The following LRRC4C variants were observed in gnomAD, a reference collection of about 807,000 sequenced individuals.
LRRC4C encodes leucine rich repeat containing 4C.
In LRRC4C, 5 loss-of-function variants were observed where a neutral mutation model predicts 33.6. That is an observed-to-expected ratio of 0.15 (90% confidence interval 0.08 to 0.31). LRRC4C has a LOEUF of 0.31. LRRC4C is among the 10% of genes least tolerant of loss of function. The pLI is 1.00. For missense variants in LRRC4C, 560 were observed against 796.7 expected (o/e 0.70, Z 3.58); for synonymous variants, 329 against 302.0 (o/e 1.09, Z -0.93).
intron 3 of LRRC4C, among the ~76,000 whole-genome samples, chr11:40,466,194 T>C (rs1262749585): frequency 1.3e-5 from 2 of 152,028 alleles, no homozygotes; most frequent in South Asian, 2.1e-4. Context: ...TTCTCACTTA[T>C]AAGCGGAAGC....
chr11:40,131,316 C>T (rs979137972), intron 6 of LRRC4C, among the ~76,000 whole-genome samples: 1 of 152,068 alleles, frequency 6.6e-6, no homozygotes, highest in African/African-American at 2.4e-5. Context: ...CCTTGTCACC[C>T]TCCATATAAA....
intron 1 of LRRC4C, among the ~76,000 whole-genome samples, chr11:41,333,954 T>C (rs1266239925): frequency 1.3e-5 from 2 of 152,190 alleles, no homozygotes; most frequent in Non-Finnish European, 2.9e-5. Flanking sequence ...GTATTTCAAC[T>C]ATAATTATCT....
intron 1 of LRRC4C, among the ~76,000 whole-genome samples, chr11:40,998,007 A>G (rs560692229): frequency 1.5e-3 from 230 of 152,214 alleles, no homozygotes; most frequent in Non-Finnish European, 2.5e-3. Flanking sequence ...TACTCCTAGC[A>G]TCGTAGCTGG....
intron 1 of LRRC4C, among the ~76,000 whole-genome samples, chr11:41,135,438 A>G (rs918659176): frequency 1.3e-5 from 2 of 152,198 alleles, no homozygotes; most frequent in Non-Finnish European, 2.9e-5. Context: ...AAACATGGCA[A>G]TAACAAATGG....
At chr11:41,130,717 A>G (rs982599822) in intron 1 of LRRC4C, among the ~76,000 whole-genome samples, 5 of 152,116 alleles carry the variant, frequency 3.3e-5, no homozygotes, top group East Asian at 1.9e-4. Context: ...TTTTTAAAGT[A>G]TGAATTTACC....
intron 2 of LRRC4C, among the ~76,000 whole-genome samples, chr11:40,862,855 A>G (rs1045151143): frequency 3.9e-5 from 6 of 152,226 alleles, no homozygotes; most frequent in African/African-American, 1.2e-4. Context: ...TCATCCAAAA[A>G]TGCTGTACAT....
chr11:41,238,233 T>C (rs965543084), intron 1 of LRRC4C, among the ~76,000 whole-genome samples: 1 of 152,210 alleles, frequency 6.6e-6, no homozygotes, highest in Non-Finnish European at 1.5e-5. Flanking sequence ...GTATGGCTAG[T>C]GGATTATCAT....
chr11:40,389,093 A>G (rs1949232203), intron 3 of LRRC4C, among the ~76,000 whole-genome samples: 1 of 152,134 alleles, frequency 6.6e-6, no homozygotes, highest in Non-Finnish European at 1.5e-5. Context: ...ATAGGAAAGG[A>G]GAAAGGAAAA....
intron 1 of LRRC4C, among the ~76,000 whole-genome samples, chr11:41,420,050 G>A (rs1012258347): frequency 6.6e-6 from 1 of 151,842 alleles, no homozygotes; most frequent in Admixed American, 6.6e-5. Flanking sequence ...TTTTCTTCTC[G>A]GGGAACATCC....
At chr11:40,833,566 C>CA (rs985262351) in intron 2 of LRRC4C, among the ~76,000 whole-genome samples, 3 of 151,914 alleles carry the variant, frequency 2.0e-5, no homozygotes, top group Non-Finnish European at 4.4e-5. Flanking sequence ...TCATTGCACC[C>CA]AAGGACCACA....
intron 2 of LRRC4C, among the ~76,000 whole-genome samples, chr11:40,680,343 T>A (rs1179899866): frequency 2.0e-5 from 3 of 152,154 alleles, no homozygotes; most frequent in Non-Finnish European, 4.4e-5. Flanking sequence ...CTGAAATAAG[T>A]TGAGACTGGG....
chr11:40,773,493 T>A (rs1037047102), intron 2 of LRRC4C, among the ~76,000 whole-genome samples: 3 of 151,902 alleles, frequency 2.0e-5, no homozygotes, highest in East Asian at 3.9e-4. Flanking sequence ...ACCTACTATG[T>A]ACCCATAAAA....
rs532732710 is a variant in LRRC4C, at chr11:40,474,985, C to T, written c.-269-155264G>A. Among the ~76,000 whole-genome samples, 74 of 152,274 alleles carry T rather than the reference C, an allele frequency of 4.9e-4. 2 individuals carry two copies. The highest frequency in any genetic ancestry group is 3.4e-3 in the Middle Eastern group (1 of 294). On this transcript the variant is annotated intron_variant, in intron 3 of 6. Coordinates refer to ENST00000528697, the MANE Select transcript of LRRC4C (RefSeq NM_001258419.2). ...TGCAGAGGATGTGGAGAAACAGGAA[C>T]TCTTTTACACTGTTGGTGGGAGTGT...
At chr11:40,404,276 G>A (rs1949875295) in intron 3 of LRRC4C, among the ~76,000 whole-genome samples, 1 of 152,160 alleles carries the variant, frequency 6.6e-6, no homozygotes, top group Non-Finnish European at 1.5e-5. Context: ...GATTCTGGCT[G>A]AGACCAGCAG....
chr11:41,224,750 G>A (rs1335174340), intron 1 of LRRC4C, among the ~76,000 whole-genome samples: 2 of 152,138 alleles, frequency 1.3e-5, no homozygotes, highest in Non-Finnish European at 2.9e-5. Context: ...TAACTGAGAT[G>A]ATGTGCCTGA....
At chr11:40,194,838 C>T (rs1345487342) in intron 5 of LRRC4C, among the ~76,000 whole-genome samples, 2 of 152,072 alleles carry the variant, frequency 1.3e-5, no homozygotes, top group East Asian at 3.9e-4. Context: ...CCTGTAATCC[C>T]AGCACTTTGG....
chr11:40,327,083 C>T (rs568590259), intron 3 of LRRC4C, among the ~76,000 whole-genome samples: 5 of 152,306 alleles, frequency 3.3e-5, no homozygotes, highest in Admixed American at 3.3e-4. Context: ...GTTAGGAAAT[C>T]TTAATGCTGA....
intron 3 of LRRC4C, among the ~76,000 whole-genome samples, chr11:40,532,484 C>A (rs1023835755): frequency 6.6e-6 from 1 of 151,684 alleles, no homozygotes; most frequent in Non-Finnish European, 1.5e-5. Context: ...GAAGATCAAT[C>A]ATATGATAAT....
chr11:41,075,676 T>A (rs1183512077), intron 1 of LRRC4C, among the ~76,000 whole-genome samples: 1 of 152,164 alleles, frequency 6.6e-6, no homozygotes, highest in Admixed American at 6.6e-5. Flanking sequence ...TAATCAACAT[T>A]CACTACATTT....
Sources: allele counts gnomAD v4.1 joint callset (sites outside exome capture counted in the v4.1 genomes callset), GRCh38; gene constraint gnomAD v4.1.1; transcripts MANE v1.5; gene names NCBI Gene and HGNC (gene_info 2026-07-23, HGNC 2026-07-21).